Variants in GNL2 observed in about 807,000 individuals in gnomAD.
GNL2 encodes nucleolar GTP-binding protein 2.
In GNL2, 51 loss-of-function variants were observed where a neutral mutation model predicts 92.3. The ratio of observed to expected loss-of-function variants is 0.55; its 90% CI spans 0.44 to 0.70. The LOEUF is 0.70. GNL2 is among the 30% of genes least tolerant of loss of function. The pLI is 0.00. For missense variants in GNL2, 844 were observed against 895.6 expected (o/e 0.94, Z 0.74); for synonymous variants, 283 against 300.6 (o/e 0.94, Z 0.61).
In GNL2 at chr1:37,582,786, A is replaced by G; in HGVS notation, c.787T>C (p.Trp263Arg). ...TTAGTAGTTGTACTTACTGTTGCCCAGGTTGGAACAAGGTCACATTTGTTA... is the reference window on the plus strand; with the variant it reads ...TTAGTAGTTGTACTTACTGTTGCCCGGGTTGGAACAAGGTCACATTTGTTA... Reference protein sequence around the residue: ...VLNKCDLVPTWATKRWVAVLS... With the variant: ...VLNKCDLVPTRATKRWVAVLS... Residue 263 changes from tryptophan (W) to arginine (R), a missense_variant, in exon 7 of 16, where the codon TGG (tryptophan) becomes CGG (arginine). By Grantham distance (101) the Trp-to-Arg change is moderately radical. Coordinates refer to ENST00000373062, the MANE Select transcript of GNL2 (RefSeq NM_013285.3). 1 of 1,612,198 alleles carries G rather than the reference A, an allele frequency of 6.2e-7. No homozygotes were observed. The highest frequency in any genetic ancestry group is 8.5e-7 in the Non-Finnish European group (1 of 1,179,304).
At chr1:37,592,671 C>T (rs1201583582) in intron 3 of GNL2, 41 bp downstream of exon 3, 2 of 1,100,350 alleles carry the variant, frequency 1.8e-6, no homozygotes, top group Non-Finnish European at 2.8e-6. Flanking sequence ...TTCCACTCAG[C>T]ATATATTTTG....
In GNL2 at chr1:37,575,655, G is replaced by C; in HGVS notation, c.1083C>G (p.Asp361Glu). The part of the protein sequence containing the change: ...ITLMRRIFLI[D>E]CPGVVYPSED... ...CAGAGGGGTAAACCACACCTGGACA[G>C]TCAATCAGGAATATCCGACGCATCA... The change falls in exon 10 of 16, where the codon GAC (aspartate) becomes GAG (glutamate). Residue 361 changes from aspartate to glutamate, a missense_variant. By Grantham distance (45) the Asp-to-Glu change is conservative (BLOSUM62 2). Coordinates refer to ENST00000373062, the MANE Select transcript of GNL2 (RefSeq NM_013285.3). This position sits in a 1 kb window ranked among gnomAD's most constrained non-coding sequence, Gnocchi z 4.1. 6.2e-7 allele frequency: 1 copy of C among 1,602,262 alleles called. No individual in the cohort carries two copies.
intron 5 of GNL2, among the ~76,000 whole-genome samples, chr1:37,587,013 TC>T (rs1192686908): frequency 6.6e-6 from 1 of 152,160 alleles, no homozygotes; most frequent in African/African-American, 2.4e-5. Context: ...ACACCTGTAA[TC>T]CTAGCATTTT....
chr1:37,579,689 AG>A (rs751145413), intron 8 of GNL2, among the ~76,000 whole-genome samples: 16 of 152,024 alleles, frequency 1.1e-4, no homozygotes, highest in Non-Finnish European at 2.1e-4. Flanking sequence ...CGAGGTCAAG[AG>A]ATCAAGACCA....
chr1:37,572,361 C>T (rs1482952947), intron 12 of GNL2, among the ~76,000 whole-genome samples: 1 of 152,158 alleles, frequency 6.6e-6, no homozygotes, highest in Non-Finnish European at 1.5e-5. Flanking sequence ...AATGTGGTGA[C>T]TCATGGTAGA....
chr1:37,582,853 G>A lies in GNL2; in HGVS notation c.720C>T (p.Tyr240=). Reference sequence around the variant, plus strand: ...GTTTCCAAGGTTTTTCCTTCTTCAGGTAAGTTTCAATGTGAGGGGAACGAG... The same window carrying A: ...GTTTCCAAGGTTTTTCCTTCTTCAGATAAGTTTCAATGTGAGGGGAACGAG... ...MGTRSPHIET[Y]LKKEKPWKHL... is the part of the protein sequence containing the mutation. Residue 240 remains tyrosine, a synonymous_variant, in exon 7 of 16, where the codon TAC becomes TAT. Coordinates refer to ENST00000373062, the MANE Select transcript of GNL2 (RefSeq NM_013285.3). 1 of 1,613,038 alleles carries A rather than the reference G, an allele frequency of 6.2e-7. No homozygotes were observed. The highest frequency in any genetic ancestry group is 1.3e-5 in the African/African-American group (1 of 74,988).
rs1014832380 is a variant in GNL2 at position 37,575,945 on chromosome 1, G to A, written c.1039-246C>T. On this transcript the variant is annotated intron_variant, in intron 9 of 15. Transcript: ENST00000373062. This position sits in a 1 kb window ranked among gnomAD's most constrained non-coding sequence, Gnocchi z 4.1. Reference sequence around the variant, plus strand: ...AACACAGAGACAGGATTTCCATCTCGTATTGTGCAATTATACCCGGTGAAC... The same window carrying A: ...AACACAGAGACAGGATTTCCATCTCATATTGTGCAATTATACCCGGTGAAC... Among the ~76,000 whole-genome samples, 3 of 152,114 alleles carry A rather than the reference G, an allele frequency of 2.0e-5. No homozygotes were observed. Among genetic ancestry groups the A allele is most frequent in the Admixed American group, 6.5e-5 (1 of 15,270 alleles).
intron 12 of GNL2, among the ~76,000 whole-genome samples, chr1:37,571,722 C>T (rs113224871): frequency 4.1e-4 from 62 of 152,316 alleles, no homozygotes; most frequent in African/African-American, 1.4e-3. Flanking sequence ...TTGCTGTGTG[C>T]ATTGGGCAAC....
chr1:37,582,047 A>T (rs1643778367), intron 8 of GNL2, among the ~76,000 whole-genome samples, 176 bp downstream of exon 8: 2 of 151,732 alleles, frequency 1.3e-5, no homozygotes, highest in Non-Finnish European at 2.9e-5. Flanking sequence ...TGTAGCCTTG[A>T]TCTCCTGGGC....
chr1:37,590,977 G>T (rs767264247), intron 3 of GNL2, 132 bp from the exon 4 acceptor site: 5 of 779,810 alleles, frequency 6.4e-6, no homozygotes, highest in Non-Finnish European at 9.9e-6. Context: ...CCTTGGAGCT[G>T]TTTTCAAACT....
At chr1:37,576,681 G>A (rs1643684100) in intron 8 of GNL2, 125 bp from the exon 9 acceptor site, 1 of 837,848 alleles carries the variant, frequency 1.2e-6, no homozygotes, top group Non-Finnish European at 1.9e-6. Flanking sequence ...TTGATCTGAA[G>A]CCTAGATACA....
chr1:37,582,281 C>CT lies in GNL2; in HGVS notation c.850dup (p.Ser284LysfsTer4). 6.2e-7 allele frequency: 1 copy of CT among 1,613,472 alleles called. No homozygotes were observed. The highest frequency in any genetic ancestry group is 8.5e-7 in the Non-Finnish European group (1 of 1,179,724). The stretch of plus-strand genomic sequence containing the variant: ...TCCCTTGCCAAACGGGTTAGTAAGG[C>CT]TTGCATGGAAAGCAAGTGTTGGATA... On this transcript the variant is annotated frameshift_variant, in exon 8 of 16. Transcript: ENST00000373062. LOFTEE classifies it high-confidence loss of function.
intron 9 of GNL2, chr1:37,576,204 T>C (rs1289666561): frequency 2.2e-6 from 1 of 463,960 alleles, no homozygotes; most frequent in Non-Finnish European, 3.8e-6. Context: ...ATGAATCACA[T>C]TAACTAACAC....
At chr1:37,595,071 C>T (rs1191971912) in intron 1 of GNL2, among the ~76,000 whole-genome samples, 2 of 152,196 alleles carry the variant, frequency 1.3e-5, no homozygotes, top group African/African-American at 4.8e-5. Context: ...TCTGAGATTC[C>T]AGTTTGTGCA....
rs189723767 is a variant in GNL2, at chr1:37,589,621, C to T, written c.384+1085G>A. 3.0e-3 allele frequency among the ~76,000 whole-genome samples: 458 copies of T among 152,218 alleles called. 5 individuals carry two copies. The highest frequency in any genetic ancestry group is 8.0e-3 in the African/African-American group (332 of 41,548). ...CGCCCAGCCTGAACTATTTAACCCA[C>T]GTATGCATGTCAATGTTTTTCTCCC... On this transcript the variant is annotated intron_variant, in intron 4 of 15. Coordinates refer to ENST00000373062, the MANE Select transcript of GNL2 (RefSeq NM_013285.3).
intron 5 of GNL2, among the ~76,000 whole-genome samples, chr1:37,584,592 C>T (rs570709382): frequency 3.9e-4 from 59 of 151,918 alleles, no homozygotes; most frequent in Non-Finnish European, 7.2e-4. Context: ...TTATATTAGG[C>T]ACCTAAACCA....
At chr1:37,571,513 C>A (rs527353970) in intron 12 of GNL2, among the ~76,000 whole-genome samples, 1 of 152,186 alleles carries the variant, frequency 6.6e-6, no homozygotes, top group Non-Finnish European at 1.5e-5. Flanking sequence ...ACAGCTTCTT[C>A]ATCTCCCTGT....
chr1:37,568,172 A>G (rs1392291275), intron 14 of GNL2, 103 bp downstream of exon 14: 1 of 708,700 alleles, frequency 1.4e-6, no homozygotes, highest in Non-Finnish European at 2.5e-6. Context: ...GATATGACAA[A>G]CATTTATGTG....
chr1:37,583,204 G>C (rs962988631), intron 6 of GNL2: 2 of 254,960 alleles, frequency 7.8e-6, no homozygotes, highest in African/African-American at 4.4e-5. Flanking sequence ...ATGGATTATT[G>C]AACTAAATCA....
Sources: allele counts gnomAD v4.1 joint callset (sites outside exome capture counted in the v4.1 genomes callset), GRCh38; gene constraint gnomAD v4.1.1; non-coding constraint Gnocchi (gnomAD v3.1); transcripts MANE v1.5; gene names NCBI Gene and HGNC (gene_info 2026-07-23, HGNC 2026-07-21).